Variants in MARCHF10 observed in about 807,000 individuals in gnomAD.
The protein encoded by MARCHF10 is probable E3 ubiquitin-protein ligase MARCHF10.
Under a neutral mutation model 76.2 loss-of-function variants are expected in MARCHF10, and 64 were observed. That is an observed-to-expected ratio of 0.84 (90% CI 0.69 to 1.03). MARCHF10 has a LOEUF of 1.03. MARCHF10 is among the 50% of genes least tolerant of loss of function. The pLI, the probability that MARCHF10 is intolerant of heterozygous loss-of-function variation, is 0.00. For missense variants in MARCHF10, 875 were observed against 958.0 expected (o/e 0.91, Z 1.14); for synonymous variants, 340 against 357.5 (o/e 0.95, Z 0.55).
rs954285794 is a variant in MARCHF10, at chr17:62,719,663, C to T, written c.2214+2825G>A. 4.6e-5 allele frequency among the ~76,000 whole-genome samples: 7 copies of T among 151,248 alleles called. No individual in the cohort carries two copies. The East Asian group carries it at 5.8e-4, about 13-fold the overall frequency. On this transcript the variant is annotated intron_variant, in intron 8 of 10. Coordinates refer to ENST00000311269, the MANE Select transcript of MARCHF10 (RefSeq NM_152598.4). The stretch of plus-strand genomic sequence containing the variant: ...TTTTGCTTTTGGCATTTATCTTGTT[C>T]GGTGTTCTCTGAGCTTTCTGGATTT...
chr17:62,736,812 G>T lies in MARCHF10; in HGVS notation c.1056C>A (p.Gly352=). The change falls in exon 6 of 11, where the codon GGC becomes GGA. Residue 352 remains glycine (G), a synonymous_variant. Transcript: ENST00000311269. ...CCATTGCATTGCTTATTCTCAATGA[G>T]CCATGACTGGGCTCACTTCTTCTTG... is the stretch of plus-strand genomic sequence containing the variant. ...HSSRRSEPSH[G]SLRISNAMEP... The T allele has an allele frequency of 6.2e-7, 1 of 1,614,108 alleles. No individual in the cohort carries two copies. The highest frequency in any genetic ancestry group is 8.5e-7 in the Non-Finnish European group (1 of 1,179,988).
intron 7 of MARCHF10, 43 bp from the exon 8 acceptor site, chr17:62,722,640 C>T: frequency 1.3e-6 from 2 of 1,535,310 alleles, no homozygotes; most frequent in South Asian, 1.2e-5. Flanking sequence ...AACCATGGGT[C>T]TGTTTGTGTT....
Position 62,708,495 on chromosome 17 carries a change from C to T in MARCHF10, c.2328+2736G>A, listed in dbSNP as rs188909353. Among the ~76,000 whole-genome samples, 9 of 152,254 alleles carry T rather than the reference C, an allele frequency of 5.9e-5. 1 individual carries two copies. Among genetic ancestry groups the T allele is most frequent in the Admixed American group, 2.0e-4 (3 of 15,294 alleles). On this transcript the variant is annotated intron_variant, in intron 9 of 10. Transcript: ENST00000311269. The stretch of plus-strand genomic sequence containing the variant: ...TCCTGACCTTGTGATCCACCTGTCT[C>T]GGCCTCCCAAAGTGCTGGGATTAAA...
chr17:62,767,985 C>A (rs1451648895), intron 3 of MARCHF10, among the ~76,000 whole-genome samples: 1 of 152,130 alleles, frequency 6.6e-6, no homozygotes, highest in East Asian at 1.9e-4. Flanking sequence ...TCTGGCCCTG[C>A]ACCTCTGCCT....
At chr17:62,768,655 C>T (rs1266677083) in intron 3 of MARCHF10, among the ~76,000 whole-genome samples, 1 of 152,018 alleles carries the variant, frequency 6.6e-6, no homozygotes. Context: ...CAAATCACAC[C>T]CTTTATTCTT....
intron 3 of MARCHF10, among the ~76,000 whole-genome samples, chr17:62,775,560 C>A (rs2092538390): frequency 6.6e-6 from 1 of 151,680 alleles, no homozygotes; most frequent in Non-Finnish European, 1.5e-5. Flanking sequence ...AACACGGTGT[C>A]TTGTACACAA....
chr17:62,806,766 T>C (rs1198482527), intron 1 of MARCHF10: 1 of 152,266 alleles, frequency 6.6e-6, no homozygotes, highest in East Asian at 1.9e-4. Context: ...TTTTCCTGAC[T>C]GAGGGGAACA....
intron 4 of MARCHF10, among the ~76,000 whole-genome samples, chr17:62,756,313 G>A (rs1038596250): frequency 6.6e-6 from 1 of 152,098 alleles, no homozygotes; most frequent in Non-Finnish European, 1.5e-5. Flanking sequence ...AGGCATAGTG[G>A]CGTGTGCCTG....
At chr17:62,800,640 T>C (rs1325768248) in intron 2 of MARCHF10, among the ~76,000 whole-genome samples, 1 of 152,148 alleles carries the variant, frequency 6.6e-6, no homozygotes, top group Admixed American at 6.5e-5. Context: ...AGCAGTTCTG[T>C]GTTTTCCTCA....
chr17:62,780,976 G>A (rs1159442930), intron 3 of MARCHF10: 2 of 152,146 alleles, frequency 1.3e-5, no homozygotes, highest in Admixed American at 1.3e-4. Flanking sequence ...AGCTCCTCTG[G>A]GCCAGCAGCG....
chr17:62,759,861 T>TTCTC lies in MARCHF10; in HGVS notation c.352_355dup (p.Lys119ArgfsTer73), dbSNP rs1489661621. ...TGGAGAGGGTTCGCTGGGGTCCACT[T>TTCTC]TCTCTGCTTTCCTTACAGTCATGGT... On this transcript the variant is annotated frameshift_variant, in exon 4 of 11. Coordinates refer to ENST00000311269, the MANE Select transcript of MARCHF10 (RefSeq NM_152598.4). LOFTEE classifies it high-confidence loss of function. The TTCTC allele has an allele frequency of 6.2e-7, 1 of 1,614,146 alleles. No individual in the cohort carries two copies. The highest frequency in any genetic ancestry group is 2.2e-5 in the East Asian group (1 of 44,890).
At chr17:62,703,795 TC>T (rs2089394847) in intron 10 of MARCHF10, among the ~76,000 whole-genome samples, 1 of 152,194 alleles carries the variant, frequency 6.6e-6, no homozygotes, top group Admixed American at 6.5e-5. Flanking sequence ...GCGACTCTTT[TC>T]GGAGCACCAC....
chr17:62,762,583 G>A (rs1038546147), intron 3 of MARCHF10, among the ~76,000 whole-genome samples: 1 of 151,982 alleles, frequency 6.6e-6, no homozygotes, highest in Non-Finnish European at 1.5e-5. Flanking sequence ...GTCTTGCTCT[G>A]TCACCCAGGC....
intron 1 of MARCHF10, chr17:62,804,882 G>C (rs2093138269): frequency 6.6e-6 from 1 of 152,240 alleles, no homozygotes; most frequent in South Asian, 2.1e-4. Context: ...ATCAGGATGG[G>C]ACAGGCGACA....
intron 8 of MARCHF10, among the ~76,000 whole-genome samples, chr17:62,721,823 T>C (rs1443766448): frequency 6.6e-6 from 1 of 152,190 alleles, no homozygotes; most frequent in African/African-American, 2.4e-5. Flanking sequence ...AGGGACCATT[T>C]CCTCCAAGAC....
At chr17:62,721,828 C>A (rs981027570) in intron 8 of MARCHF10, among the ~76,000 whole-genome samples, 2 of 152,114 alleles carry the variant, frequency 1.3e-5, no homozygotes, top group Non-Finnish European at 2.9e-5. Flanking sequence ...CCATTTCCTC[C>A]AAGACCCTGA....
intron 6 of MARCHF10, among the ~76,000 whole-genome samples, chr17:62,733,975 G>C (rs572111618): frequency 6.6e-6 from 1 of 152,262 alleles, no homozygotes; most frequent in African/African-American, 2.4e-5. Flanking sequence ...TTGAGATCAA[G>C]AGTTCGAGAC....
intron 3 of MARCHF10, among the ~76,000 whole-genome samples, chr17:62,761,253 C>T (rs1473100553): frequency 6.6e-6 from 1 of 152,114 alleles, no homozygotes; most frequent in African/African-American, 2.4e-5. Context: ...ATTCTTGTTT[C>T]TCCGCACAAT....
chr17:62,707,612 GT>G (rs1189111621), intron 9 of MARCHF10: 16 of 152,420 alleles, frequency 1.0e-4, no homozygotes, highest in African/African-American at 3.4e-4. Flanking sequence ...CTGGAGGTCT[GT>G]CCTAGAGGAG....
Sources: gnomAD v4.1 joint callset for allele counts (sites outside exome capture counted in the v4.1 genomes callset) on GRCh38, gnomAD v4.1.1 for gene constraint, MANE v1.5 for transcripts, NCBI Gene and HGNC (gene_info 2026-07-23, HGNC 2026-07-21) for gene names.